ZNF574: variants seen among roughly 807,000 people sequenced by gnomAD.
The protein encoded by ZNF574 is zinc finger protein 574.
A neutral mutation model predicts 56.6 loss-of-function variants in ZNF574; 25 were observed. That is an observed-to-expected ratio of 0.44 (90% CI 0.32 to 0.62). The LOEUF (loss-of-function observed/expected upper bound fraction) is 0.62. Among genes scored for constraint, ZNF574 ranks in the 20% least tolerant of loss-of-function variants. ZNF574 has a pLI of 0.04. For synonymous variants in ZNF574, 543 were observed against 492.1 expected, an observed-to-expected ratio of 1.10 and a Z score of -1.37; for missense variants, 1,065 against 1,218.9, an observed-to-expected ratio of 0.87 and a Z score of 1.88.
At position 42,081,025 on chromosome 19, in the gene ZNF574, A is replaced by T; in HGVS notation, c.2419A>T (p.Met807Leu). Residue 807 changes from methionine (M) to leucine (L), a missense_variant, in exon 2 of 2, where the codon ATG becomes TTG. Physicochemically the swap from Met to Leu is conservative, Grantham distance 15. Coordinates refer to ENST00000359044, the MANE Select transcript of ZNF574 (RefSeq NM_022752.6). ...EVCGKAFAISMRLAEHRRIHT... is the reference protein window; with the variant it reads ...EVCGKAFAISLRLAEHRRIHT... Reference sequence around the variant, plus strand: ...GTGTGGCAAGGCCTTTGCCATCTCCATGCGCCTGGCAGAACATCGCCGCAT... The same window carrying T: ...GTGTGGCAAGGCCTTTGCCATCTCCTTGCGCCTGGCAGAACATCGCCGCAT... The T allele has an allele frequency of 6.2e-7, 1 of 1,614,110 alleles. No individual in the cohort carries two copies. Among genetic ancestry groups the T allele is most frequent in the Non-Finnish European group, 8.5e-7 (1 of 1,180,034 alleles).
intron 1 of ZNF574, among the ~76,000 whole-genome samples, chr19:42,077,258 G>T (rs751523017): frequency 2.5e-4 from 38 of 152,116 alleles, no homozygotes; most frequent in Admixed American, 1.3e-4. Flanking sequence ...ATGAGAATAG[G>T]AGGTCCGGGT....
rs1209075121 is a variant in ZNF574, at chr19:42,078,714, C to T, written c.108C>T (p.Asn36=). Reference sequence around the variant, plus strand: ...TGGAAGAGGTGCTTATGCACCAAAACTCCCACGTGCCCCAGCAGCACTTTG... The same window carrying T: ...TGGAAGAGGTGCTTATGCACCAAAATTCCCACGTGCCCCAGCAGCACTTTG... The part of the protein sequence containing the change: ...GSLEEVLMHQ[N]SHVPQQHFEL... The change falls in exon 2 of 2, where the codon AAC becomes AAT. Residue 36 remains asparagine (N), a synonymous_variant. Transcript: ENST00000359044. 2.5e-6 allele frequency: 4 copies of T among 1,614,140 alleles called. No homozygotes were observed. The African/African-American group carries it at 4.0e-5, about 16-fold the overall frequency.
intron 1 of ZNF574, among the ~76,000 whole-genome samples, chr19:42,076,644 G>C (rs894944939): frequency 6.6e-6 from 1 of 152,220 alleles, no homozygotes; most frequent in Non-Finnish European, 1.5e-5. Flanking sequence ...AGTCCAGGAC[G>C]AAGGGGCTGG....
At chr19:42,073,253 C>T (rs769955668), upstream of ZNF574, among the ~76,000 whole-genome samples, 2 of 152,180 alleles carry the variant, frequency 1.3e-5, no homozygotes, top group East Asian at 1.9e-4. Context: ...GTAGAGTCAG[C>T]ATGACAGTTT....
rs1321680598 is a variant in ZNF574 at position 42,079,699 on chromosome 19, C to T, written c.1093C>T (p.Leu365=). ...AGACCATAGCAGCGAGTCACACTTC[C>T]TGTGTGTAGACTGTGGCCTGGCCTT... ...LGDHSSESHF[L]CVDCGLAFGT... is the part of the protein sequence containing the mutation. Residue 365 remains leucine (L), a synonymous_variant, in exon 2 of 2, where the codon CTG becomes TTG. Transcript: ENST00000359044. The surrounding 1 kb of genome is among the most constrained non-coding windows in gnomAD (Gnocchi z 4.3). 2 of 1,614,208 alleles carry T rather than the reference C, an allele frequency of 1.2e-6. No individual in the cohort carries two copies. The highest frequency in any genetic ancestry group is 2.2e-5 in the South Asian group (2 of 91,084).
intron 1 of ZNF574, among the ~76,000 whole-genome samples, chr19:42,077,981 T>C (rs959548971): frequency 1.3e-5 from 2 of 151,682 alleles, no homozygotes. Context: ...GAAGAGTTGG[T>C]GGGTAGCAGG....
chr19:42,077,460 A>G (rs532411173), intron 1 of ZNF574, among the ~76,000 whole-genome samples: 1 of 152,106 alleles, frequency 6.6e-6, no homozygotes, highest in Non-Finnish European at 1.5e-5. Context: ...TAGGTTAATA[A>G]TGTGGAGGAG....
upstream of ZNF574, among the ~76,000 whole-genome samples, chr19:42,071,790 G>A (rs373720796): frequency 1.3e-5 from 2 of 152,242 alleles, no homozygotes; most frequent in East Asian, 3.9e-4. Context: ...GACCACCTGA[G>A]GTTGGGAGTT....
At position 42,078,985 on chromosome 19, in the gene ZNF574, G is replaced by A. The variant is rs1237669236; in HGVS notation, c.379G>A (p.Glu127Lys). 6 of 1,613,938 alleles carry A rather than the reference G, an allele frequency of 3.7e-6. No homozygotes were observed. Among genetic ancestry groups the A allele is most frequent in the Admixed American group, 1.7e-5 (1 of 59,994 alleles). ...CCTGAGCTCCAGCACCATCCACTAC[G>A]AGTGTGTGGATTGCAAGGCTCTCTT... ...PPLSSSTIHY[E>K]CVDCKALFAS... Residue 127 changes from glutamate to lysine, a missense_variant, in exon 2 of 2, where the codon GAG (glutamate) becomes AAG (lysine). Transcript: ENST00000359044.
At chr19:42,073,539 A>C (rs905446719), upstream of ZNF574, among the ~76,000 whole-genome samples, 53 of 150,050 alleles carry the variant, frequency 3.5e-4, no homozygotes, top group African/African-American at 1.1e-3. Flanking sequence ...AAAAAAAAAA[A>C]CCCGGGCATG....
At position 42,079,924 on chromosome 19, in the gene ZNF574, G is replaced by A. The variant is rs754124253; in HGVS notation, c.1318G>A (p.Ala440Thr). Residue 440 changes from alanine to threonine, a missense_variant, in exon 2 of 2, where the codon GCA becomes ACA. Coordinates refer to ENST00000359044, the MANE Select transcript of ZNF574 (RefSeq NM_022752.6). This position sits in a 1 kb window ranked among gnomAD's most constrained non-coding sequence, Gnocchi z 4.3. ...PVIGFPEPAPAETGEPEAPEP... is the reference protein window; with the variant it reads ...PVIGFPEPAPTETGEPEAPEP... The stretch of plus-strand genomic sequence containing the variant: ...CATTGGTTTCCCTGAGCCAGCCCCA[G>A]CAGAGACTGGAGAGCCAGAGGCCCC... The A allele has an allele frequency of 1.2e-6, 2 of 1,613,826 alleles. No homozygotes were observed. Among genetic ancestry groups the A allele is most frequent in the South Asian group, 2.2e-5 (2 of 91,080 alleles).
chr19:42,069,730 G>C (rs1335092326), intron 1 of ZNF574, among the ~76,000 whole-genome samples: 1 of 150,606 alleles, frequency 6.6e-6, no homozygotes, highest in African/African-American at 2.4e-5. Flanking sequence ...GGGAGGGCCT[G>C]CTGGGGGAGG....
chr19:42,074,657 C>T (rs937197809), upstream of ZNF574: 6 of 152,002 alleles, frequency 3.9e-5, no homozygotes, highest in East Asian at 1.9e-4. Context: ...GATTCCAATC[C>T]GGGAATCTGT....
chr19:42,073,683 G>A (rs2076439439), upstream of ZNF574, among the ~76,000 whole-genome samples: 1 of 151,846 alleles, frequency 6.6e-6, no homozygotes, highest in Non-Finnish European at 1.5e-5. Flanking sequence ...AATTAGCAGG[G>A]CATGGCGGTG....
exon 1 of ZNF574, chr19:42,068,938 G>A (rs1222892328): frequency 4.7e-6 from 3 of 637,392 alleles, no homozygotes; most frequent in Non-Finnish European, 5.7e-6. Context: ...GACAGCAGGG[G>A]CACGGACATG....
exon 1 of ZNF574, chr19:42,068,919 A>C (rs2146199792): frequency 1.5e-6 from 1 of 669,814 alleles, no homozygotes; most frequent in African/African-American, 1.8e-5. Flanking sequence ...ACCAGGACGG[A>C]GGCTTGGAGA....
upstream of ZNF574, among the ~76,000 whole-genome samples, chr19:42,073,378 C>T (rs932718835): frequency 5.3e-5 from 8 of 151,906 alleles, no homozygotes; most frequent in Admixed American, 3.3e-4. Context: ...ATTAGGCTCC[C>T]GGAGATACTA....
chr19:42,081,486 C>T lies in ZNF574; in HGVS notation c.*189C>T, dbSNP rs955245265. 6 of 714,784 alleles carry T rather than the reference C, an allele frequency of 8.4e-6. No homozygotes were observed. Among genetic ancestry groups the T allele is most frequent in the African/African-American group, 1.8e-5 (1 of 56,532 alleles). 44.3% of individuals were successfully genotyped at this position (714,784 alleles called of 1,614,324 possible). On this transcript the variant is annotated 3_prime_UTR_variant, in exon 2 of 2. Coordinates refer to ENST00000359044, the MANE Select transcript of ZNF574 (RefSeq NM_022752.6). ...CTTGACACACATAAAGGTGCCCCCC[C>T]ACCTTCCACCTCTTAGCACTGGTGA... is the stretch of plus-strand genomic sequence containing the variant.
In ZNF574 at chr19:42,080,106, T is replaced by G; in HGVS notation, c.1500T>G (p.Cys500Trp). The change falls in exon 2 of 2, where the codon TGT (cysteine) becomes TGG (tryptophan). Residue 500 changes from cysteine (C) to tryptophan (W), a missense_variant. Physicochemically the swap from Cys to Trp is radical, Grantham distance 215 (BLOSUM62 -2). Transcript: ENST00000359044. This position sits in a 1 kb window ranked among gnomAD's most constrained non-coding sequence, Gnocchi z 8.5. ...AGCGGCGCCATAAATGCAGCATTTGTGGCAAGATGTTCAAGAAGAAGTCTC... is the reference window on the plus strand; with the variant it reads ...AGCGGCGCCATAAATGCAGCATTTGGGGCAAGATGTTCAAGAAGAAGTCTC... ...RLERRHKCSI[C>W]GKMFKKKSHV... The G allele has an allele frequency of 6.2e-7, 1 of 1,614,056 alleles. No individual in the cohort carries two copies. The highest frequency in any genetic ancestry group is 8.5e-7 in the Non-Finnish European group (1 of 1,180,026).
Sources: gnomAD v4.1 joint callset for allele counts (sites outside exome capture counted in the v4.1 genomes callset) on GRCh38, gnomAD v4.1.1 for gene constraint, Gnocchi (gnomAD v3.1) non-coding constraint, MANE v1.5 for transcripts, NCBI Gene and HGNC (gene_info 2026-07-23, HGNC 2026-07-21) for gene names.